Variants in FANK1 observed in about 807,000 individuals in gnomAD.
FANK1 encodes the protein fibronectin type 3 and ankyrin repeat domains protein 1.
FANK1 carries 44 observed loss-of-function variants against 45.3 expected under a neutral mutation model. The ratio of observed to expected loss-of-function variants is 0.97; its 90% CI spans 0.76 to 1.25. The LOEUF is 1.25. FANK1 is among the 50% of genes most tolerant of loss of function. The pLI, the probability that FANK1 is intolerant of heterozygous loss-of-function variation, is 0.00. For synonymous variants in FANK1, 149 were observed against 152.5 expected (o/e 0.98, Z 0.17); for missense variants, 391 against 424.4 (o/e 0.92, Z 0.69).
chr10:125,993,667 A>G (rs1952096959), intron 3 of FANK1, among the ~76,000 whole-genome samples: 1 of 152,204 alleles, frequency 6.6e-6, no homozygotes, highest in African/African-American at 2.4e-5. Flanking sequence ...TGAGCATGGC[A>G]TGAACTCCCT....
At chr10:125,928,902 T>C (rs1947561847) in intron 1 of FANK1, among the ~76,000 whole-genome samples, 1 of 152,238 alleles carries the variant, frequency 6.6e-6, no homozygotes, top group Non-Finnish European at 1.5e-5. Flanking sequence ...CTCTGAATGA[T>C]TATTTGAATA....
chr10:125,921,559 T>C (rs1589862914), intron 1 of FANK1, among the ~76,000 whole-genome samples: 3 of 152,348 alleles, frequency 2.0e-5, no homozygotes, highest in African/African-American at 7.2e-5. Context: ...CTGAGTCACA[T>C]GGTCCGTGTA....
Position 125,980,293 on chromosome 10 carries a change from TTGAAGAA to T in FANK1, c.147_153del (p.Ile49MetfsTer35). 1 of 1,613,918 alleles carries T rather than the reference TTGAAGAA, an allele frequency of 6.2e-7. No homozygotes were observed. Among genetic ancestry groups the T allele is most frequent in the South Asian group, 1.1e-5 (1 of 91,070 alleles). ...CAAGAGCAGTGGTTCAGGTTCTCGA[TTGAAGAA>T]GAAGACCCCAAAATGCACACTTATG... On this transcript the variant is annotated frameshift_variant, in exon 2 of 11. Coordinates refer to ENST00000368693, the MANE Select transcript of FANK1 (RefSeq NM_145235.5). LOFTEE classifies it high-confidence loss of function.
chr10:126,005,846 G>C (rs1953156732), intron 7 of FANK1, among the ~76,000 whole-genome samples: 1 of 152,128 alleles, frequency 6.6e-6, no homozygotes, highest in Non-Finnish European at 1.5e-5. Flanking sequence ...ACCATATCAA[G>C]AATAAAACAT....
chr10:125,952,775 G>T (rs1029268000), intron 1 of FANK1, among the ~76,000 whole-genome samples: 1 of 145,946 alleles, frequency 6.9e-6, no homozygotes, highest in African/African-American at 2.6e-5. Flanking sequence ...GACCTTTGCT[G>T]CTGTGGTGCC....
chr10:125,919,356 C>A (rs879908074), intron 1 of FANK1, among the ~76,000 whole-genome samples: 2 of 151,692 alleles, frequency 1.3e-5, no homozygotes, highest in Non-Finnish European at 2.9e-5. Flanking sequence ...CAGGCACACA[C>A]CACCACACCC....
At chr10:126,005,319 T>C (rs1369398809) in intron 7 of FANK1, among the ~76,000 whole-genome samples, 1 of 150,330 alleles carries the variant, frequency 6.7e-6, no homozygotes, top group Non-Finnish European at 1.5e-5. Flanking sequence ...TTTTTTTTTT[T>C]TTTTTTGAGA....
intron 1 of FANK1, among the ~76,000 whole-genome samples, chr10:125,905,981 C>A (rs1386258713): frequency 5.3e-5 from 8 of 152,292 alleles, no homozygotes; most frequent in Admixed American, 1.3e-4. Context: ...AGAAAATAAT[C>A]AAATTCAGTG....
At chr10:125,899,091 G>C (rs111593320) in intron 1 of FANK1, among the ~76,000 whole-genome samples, 1 of 151,974 alleles carries the variant, frequency 6.6e-6, no homozygotes. Flanking sequence ...ACAGAGTTTC[G>C]CTGTTGTTGC....
chr10:125,983,789 C>T lies in FANK1; in HGVS notation c.191+3451C>T, dbSNP rs963080124. 1.1e-4 allele frequency among the ~76,000 whole-genome samples: 17 copies of T among 152,110 alleles called. No individual in the cohort carries two copies. The highest frequency in any genetic ancestry group is 4.6e-4 in the Admixed American group (7 of 15,256). ...GTTATTGGGAGAACTCTGGCTTACT[C>T]TGAGAGAGGCGGGGAAAGCCACTGG... is the stretch of plus-strand genomic sequence containing the variant. On this transcript the variant is annotated intron_variant, in intron 2 of 10. Coordinates refer to ENST00000368693, the MANE Select transcript of FANK1 (RefSeq NM_145235.5). The surrounding 1 kb of genome is among the most constrained non-coding windows in gnomAD (Gnocchi z 4.3).
At chr10:125,963,506 A>G (rs1387969225) in intron 1 of FANK1, among the ~76,000 whole-genome samples, 1 of 152,240 alleles carries the variant, frequency 6.6e-6, no homozygotes, top group Admixed American at 6.5e-5. Flanking sequence ...TAAATGTCCA[A>G]CCATAGACTG....
chr10:125,937,013 G>A (rs551202823), intron 1 of FANK1, among the ~76,000 whole-genome samples: 1 of 152,030 alleles, frequency 6.6e-6, no homozygotes, highest in Non-Finnish European at 1.5e-5. Context: ...GTTGCAGTGA[G>A]CAGAGGTCGC....
At chr10:125,944,656 G>A (rs1948658046) in intron 1 of FANK1, among the ~76,000 whole-genome samples, 1 of 152,200 alleles carries the variant, frequency 6.6e-6, no homozygotes, top group African/African-American at 2.4e-5. Context: ...GCCCAGGGTG[G>A]AAAACCGCTT....
chr10:125,973,439 A>G (rs1260761993), intron 1 of FANK1: 2 of 985,280 alleles, frequency 2.0e-6, no homozygotes, highest in African/African-American at 3.5e-5. Context: ...GATGTGAGTC[A>G]TTGTGACATC....
chr10:125,935,436 G>A (rs1177752288), intron 1 of FANK1, among the ~76,000 whole-genome samples: 1 of 152,100 alleles, frequency 6.6e-6, no homozygotes, highest in Non-Finnish European at 1.5e-5. Flanking sequence ...GTTGCCAGGT[G>A]GTATAAGACA....
chr10:125,963,895 TA>T (rs560830907), intron 1 of FANK1, among the ~76,000 whole-genome samples: 1 of 150,658 alleles, frequency 6.6e-6, no homozygotes, highest in African/African-American at 2.4e-5. Context: ...AGTATAATAA[TA>T]AAAAAAAACA....
At chr10:125,966,564 T>G (rs1950211260) in intron 1 of FANK1, among the ~76,000 whole-genome samples, 1 of 152,158 alleles carries the variant, frequency 6.6e-6, no homozygotes, top group Non-Finnish European at 1.5e-5. Flanking sequence ...ATCCCACAAG[T>G]GTGCTGAATG....
At position 125,996,541 on chromosome 10, in the gene FANK1, TTTCCC is replaced by T; in HGVS notation, c.399-8_399-4del. The T allele has an allele frequency of 6.2e-7, 1 of 1,614,010 alleles. No individual in the cohort carries two copies. The highest frequency in any genetic ancestry group is 8.5e-7 in the Non-Finnish European group (1 of 1,179,954). ...AGCATGTTTATCTCTTTTCTCTGCT[TTTCCC>T]AAGCCGTGTTAAGGTTGATGTTCCC... On this transcript the variant is annotated splice_polypyrimidine_tract_variant and splice_region_variant and intron_variant, in intron 4 of 10. Transcript: ENST00000368693.
rs113864770 is a variant in FANK1 at position 125,978,607 on chromosome 10, C to T, written c.14-1554C>T. Reference sequence around the variant, plus strand: ...TTAAAGCAGCTGTCCGGCCACGTTTCGGTAGAGCAGCTATGCTGTACTGGG... The same window carrying T: ...TTAAAGCAGCTGTCCGGCCACGTTTTGGTAGAGCAGCTATGCTGTACTGGG... On this transcript the variant is annotated intron_variant, in intron 1 of 10. Transcript: ENST00000368693. Among the ~76,000 whole-genome samples the T allele has an allele frequency of 2.8e-3, 425 of 152,296 alleles. 1 individual carries two copies. The highest frequency in any genetic ancestry group is 9.7e-3 in the African/African-American group (405 of 41,558).
Sources: gnomAD v4.1 joint callset for allele counts (sites outside exome capture counted in the v4.1 genomes callset) on GRCh38, gnomAD v4.1.1 for gene constraint, Gnocchi (gnomAD v3.1) non-coding constraint, MANE v1.5 for transcripts, NCBI Gene and HGNC (gene_info 2026-07-23, HGNC 2026-07-21) for gene names.